TPCN2: variants seen among roughly 807,000 people sequenced by gnomAD.
The protein encoded by TPCN2 is two pore channel protein 2.
A neutral mutation model predicts 111.4 loss-of-function variants in TPCN2; 92 were observed. That is an observed-to-expected ratio of 0.83 (90% CI 0.70 to 0.98). The LOEUF is 0.98. Ranked by LOEUF, TPCN2 falls within the 50% of genes least tolerant of loss-of-function variation. TPCN2 has a pLI of 0.00. For missense variants in TPCN2, 995 were observed against 980.1 expected (o/e 1.02, Z -0.20); for synonymous variants, 405 against 414.5 (o/e 0.98, Z 0.28).
intron 1 of TPCN2, among the ~76,000 whole-genome samples, 188 bp from the exon 2 acceptor site, chr11:69,053,845 C>A (rs750198038): frequency 2.6e-5 from 4 of 152,178 alleles, no homozygotes; most frequent in Non-Finnish European, 5.9e-5. Context: ...CATTTGATGC[C>A]GAGGCACTTA....
intron 7 of TPCN2, 72 bp from the exon 8 acceptor site, chr11:69,067,431 G>A: frequency 7.1e-7 from 1 of 1,413,710 alleles, no homozygotes; most frequent in Non-Finnish European, 9.9e-7. Flanking sequence ...AGCCGGTTGG[G>A]TCCGGGGCCT....
chr11:69,057,125 A>G (rs1280591119), intron 4 of TPCN2, among the ~76,000 whole-genome samples: 1 of 152,246 alleles, frequency 6.6e-6, no homozygotes, highest in African/African-American at 2.4e-5. Flanking sequence ...GGCGTGAGCC[A>G]CCGCCTTCTG....
chr11:69,081,472 C>T lies in TPCN2; in HGVS notation c.1662C>T (p.Arg554=). Residue 554 remains arginine, a synonymous_variant, in exon 18 of 25, where the codon CGC becomes CGT. Transcript: ENST00000294309. ...TGCTGAACATGCTCATCGTGTTCCG[C>T]TTCCTGCGTATCATCCCCAGCATGA... ...TRMLNMLIVF[R]FLRIIPSMKL... 1.3e-6 allele frequency: 2 copies of T among 1,572,566 alleles called. No homozygotes were observed. Among genetic ancestry groups the T allele is most frequent in the Non-Finnish European group, 1.7e-6 (2 of 1,158,618 alleles).
At chr11:69,065,327 G>A (rs138836734) in intron 7 of TPCN2, among the ~76,000 whole-genome samples, 5 of 152,332 alleles carry the variant, frequency 3.3e-5, no homozygotes, top group African/African-American at 4.8e-5. Context: ...TGCTGGAAGT[G>A]GCAACAGCCT....
At chr11:69,055,455 C>T in intron 4 of TPCN2, 103 bp downstream of exon 4, 1 of 1,249,058 alleles carries the variant, frequency 8.0e-7, no homozygotes, top group South Asian at 1.5e-5. Context: ...CTGCCTTTTC[C>T]CCAGACTTTG....
At chr11:69,071,828 A>T in intron 10 of TPCN2, 95 bp from the exon 11 acceptor site, 1 of 1,179,548 alleles carries the variant, frequency 8.5e-7, no homozygotes, top group Non-Finnish European at 1.2e-6. Flanking sequence ...GGCTGCCCAG[A>T]CTCCCCCTCT....
At chr11:69,062,698 C>T (rs1294428091) in intron 5 of TPCN2, among the ~76,000 whole-genome samples, 186 bp from the exon 6 acceptor site, 1 of 152,030 alleles carries the variant, frequency 6.6e-6, no homozygotes, top group African/African-American at 2.4e-5. Context: ...GGAAGGACTG[C>T]AGAGCATGTG....
At chr11:69,079,110 G>A (rs74685061) in intron 16 of TPCN2, 90 bp downstream of exon 16, 48,147 of 1,471,152 alleles carry the variant, frequency 0.033, 893 homozygotes, top group Non-Finnish European at 0.04. Context: ...GGCCTCCCCT[G>A]AGGACTAGAG....
chr11:69,055,866 T>A (rs1854738602), intron 4 of TPCN2, among the ~76,000 whole-genome samples: 1 of 152,200 alleles, frequency 6.6e-6, no homozygotes, highest in African/African-American at 2.4e-5. Flanking sequence ...TGGTCCCTCC[T>A]CAAGGCTCAC....
intron 4 of TPCN2, among the ~76,000 whole-genome samples, chr11:69,056,118 G>A (rs1180962487): frequency 6.6e-6 from 1 of 152,228 alleles, no homozygotes; most frequent in South Asian, 2.1e-4. Context: ...CCAGTGCTGC[G>A]GTCTCAGGGG....
At position 69,087,911 on chromosome 11, in the gene TPCN2, A is replaced by T. The variant is rs1250609018; in HGVS notation, c.2217A>T (p.Thr739=). Residue 739 remains threonine, a synonymous_variant, in exon 25 of 25, where the codon ACA becomes ACT. Coordinates refer to ENST00000294309, the MANE Select transcript of TPCN2 (RefSeq NM_139075.4). The part of the protein sequence containing the change: ...ILEEPGEDEL[T]ERLSQHPHLW... ...AGGAGCCCGGGGAGGATGAGCTCACAGAGAGGCTGAGCCAGCACCCGCACC... is the reference window on the plus strand; with the variant it reads ...AGGAGCCCGGGGAGGATGAGCTCACTGAGAGGCTGAGCCAGCACCCGCACC... 1.2e-6 allele frequency: 2 copies of T among 1,612,378 alleles called. No homozygotes were observed. Among genetic ancestry groups the T allele is most frequent in the East Asian group, 2.2e-5 (1 of 44,860 alleles).
At chr11:69,085,343 G>GGGGGGGGGGT in intron 20 of TPCN2, 57 bp downstream of exon 20, 4 of 581,878 alleles carry the variant, frequency 6.9e-6, no homozygotes, top group Non-Finnish European at 6.8e-6. Flanking sequence ...GGGTGGGCGG[G>GGGGGGGGGGT]AAGCCTTGGC....
At chr11:69,085,455 C>T (rs971087664) in intron 20 of TPCN2, among the ~76,000 whole-genome samples, 169 bp downstream of exon 20, 10 of 151,966 alleles carry the variant, frequency 6.6e-5, no homozygotes, top group South Asian at 2.1e-4. Flanking sequence ...TTTCCACCTC[C>T]GCTCCGCACC....
intron 1 of TPCN2, 54 bp downstream of exon 1, chr11:69,049,160 TG>T: frequency 1.8e-6 from 2 of 1,105,988 alleles, no homozygotes; most frequent in South Asian, 4.6e-5. Flanking sequence ...GGGTCGCGCG[TG>T]GGGGTCCCGC....
rs375688258 is a variant in TPCN2 at position 69,054,025 on chromosome 11, G to T, written c.110-8G>T. On this transcript the variant is annotated splice_polypyrimidine_tract_variant and splice_region_variant and intron_variant, in intron 1 of 24. Transcript: ENST00000294309. ...CTCGGTCACCTGATGTGTCCCCTCT[G>T]CCTGCAGGTGCCGCGGCCAGGTGGG... The T allele has an allele frequency of 1.2e-6, 2 of 1,613,432 alleles. No individual in the cohort carries two copies. The highest frequency in any genetic ancestry group is 1.7e-6 in the Non-Finnish European group (2 of 1,179,644).
intron 6 of TPCN2, 44 bp downstream of exon 6, chr11:69,063,034 C>T (rs372532532): frequency 9.6e-6 from 15 of 1,559,168 alleles, no homozygotes; most frequent in Non-Finnish European, 1.3e-5. Context: ...GGAAGGGGCT[C>T]TCTCTGCCCC....
At position 69,063,944 on chromosome 11, in the gene TPCN2, A is replaced by G. The variant is rs904970821; in HGVS notation, c.703A>G (p.Met235Val). The G allele has an allele frequency of 1.2e-6, 2 of 1,613,936 alleles. No individual in the cohort carries two copies. Among genetic ancestry groups the G allele is most frequent in the African/African-American group, 2.7e-5 (2 of 74,924 alleles). The change falls in exon 7 of 25, where the codon ATG (methionine) becomes GTG (valine). Residue 235 changes from methionine to valine, a missense_variant. Transcript: ENST00000294309. ...IHLCLFTMFG[M>V]LLFAGGKQDD... ...CCTGTGCCTCTTCACCATGTTCGGA[A>G]TGCTGCTGTTCGCTGGTGGGAAGGT...
At chr11:69,086,031 T>A in intron 22 of TPCN2, 101 bp downstream of exon 22, 2 of 1,224,652 alleles carry the variant, frequency 1.6e-6, no homozygotes, top group Non-Finnish European at 1.2e-6. Flanking sequence ...GGAGCGTGGC[T>A]GGGACGGGGA....
intron 19 of TPCN2, 98 bp from the exon 20 acceptor site, chr11:69,085,112 T>C (rs1856214270): frequency 8.5e-7 from 1 of 1,174,278 alleles, no homozygotes; most frequent in Non-Finnish European, 1.3e-6. Flanking sequence ...GGTCCTGGCC[T>C]CACAGTCATC....
Sources: allele counts gnomAD v4.1 joint callset (sites outside exome capture counted in the v4.1 genomes callset), GRCh38; gene constraint gnomAD v4.1.1; transcripts MANE v1.5; gene names NCBI Gene and HGNC (gene_info 2026-07-23, HGNC 2026-07-21).